Variants in PDZRN4 observed in about 807,000 individuals in gnomAD.
The protein encoded by PDZRN4 is PDZ domain containing ring finger 4.
PDZRN4 carries 70 observed loss-of-function variants against 99.0 expected under a neutral mutation model. The ratio of observed to expected loss-of-function variants is 0.71; its 90% CI spans 0.58 to 0.86. The LOEUF (loss-of-function observed/expected upper bound fraction) is 0.86. PDZRN4 is among the 40% of genes least tolerant of loss of function. PDZRN4 has a pLI of 0.00. For synonymous variants in PDZRN4, 551 were observed against 501.6 expected, an observed-to-expected ratio of 1.10 and a Z score of -1.32; for missense variants, 1,474 against 1,331.2, an observed-to-expected ratio of 1.11 and a Z score of -1.67.
At chr12:41,260,599 A>G (rs1242662400) in intron 3 of PDZRN4, among the ~76,000 whole-genome samples, 1 of 152,146 alleles carries the variant, frequency 6.6e-6, no homozygotes, top group East Asian at 1.9e-4. Context: ...TCTTAATATT[A>G]AAAATATTAT....
chr12:41,218,197 C>T (rs1950933546), intron 3 of PDZRN4, among the ~76,000 whole-genome samples: 1 of 152,078 alleles, frequency 6.6e-6, no homozygotes, highest in African/African-American at 2.4e-5. Context: ...GCCTCTTTTC[C>T]TTTTGTCTGT....
At chr12:41,336,402 G>A (rs897661328) in intron 3 of PDZRN4, among the ~76,000 whole-genome samples, 5 of 152,116 alleles carry the variant, frequency 3.3e-5, no homozygotes, top group Admixed American at 2.0e-4. Flanking sequence ...CCAACTCCAT[G>A]TAAGCACCAG....
chr12:41,397,955 T>C (rs1241327288), intron 3 of PDZRN4, among the ~76,000 whole-genome samples: 1 of 151,874 alleles, frequency 6.6e-6, no homozygotes, highest in East Asian at 1.9e-4. Flanking sequence ...GGCATTAGAG[T>C]CACAAGAACT....
intron 3 of PDZRN4, among the ~76,000 whole-genome samples, chr12:41,359,835 C>A (rs1282865110): frequency 6.6e-6 from 1 of 151,932 alleles, no homozygotes; most frequent in Non-Finnish European, 1.5e-5. Flanking sequence ...AAGCAAGGTA[C>A]CTTATCTATT....
At chr12:41,244,290 T>C (rs1951119018) in intron 3 of PDZRN4, among the ~76,000 whole-genome samples, 1 of 152,166 alleles carries the variant, frequency 6.6e-6, no homozygotes, top group Non-Finnish European at 1.5e-5. Context: ...TGTGTCGCTC[T>C]CCTAGAATAT....
At chr12:41,277,336 A>C (rs1951355514) in intron 3 of PDZRN4, among the ~76,000 whole-genome samples, 1 of 152,164 alleles carries the variant, frequency 6.6e-6, no homozygotes, top group Non-Finnish European at 1.5e-5. Flanking sequence ...AACGATATAA[A>C]ATCCTGCTGC....
intron 5 of PDZRN4, among the ~76,000 whole-genome samples, chr12:41,517,265 A>G (rs1938417415): frequency 6.6e-6 from 1 of 152,096 alleles, no homozygotes; most frequent in Non-Finnish European, 1.5e-5. Flanking sequence ...AGGGATCTAG[A>G]TATAAAATAA....
chr12:41,368,756 G>A (rs911837438), intron 3 of PDZRN4, among the ~76,000 whole-genome samples: 10 of 151,970 alleles, frequency 6.6e-5, no homozygotes, highest in African/African-American at 1.5e-4. Context: ...GATCTGTATC[G>A]CTTCCATTAA....
intron 3 of PDZRN4, among the ~76,000 whole-genome samples, chr12:41,249,827 G>A (rs1951156356): frequency 6.6e-6 from 1 of 152,164 alleles, no homozygotes; most frequent in South Asian, 2.1e-4. Context: ...GAAGCAGAGT[G>A]CATTCGCATT....
intron 3 of PDZRN4, among the ~76,000 whole-genome samples, chr12:41,459,486 C>T (rs770287884): frequency 2.0e-4 from 31 of 152,136 alleles, no homozygotes; most frequent in Non-Finnish European, 3.2e-4. Context: ...AAATCTGGGC[C>T]GTATTTAAGC....
At chr12:41,554,810 C>T (rs908602943) in intron 6 of PDZRN4, among the ~76,000 whole-genome samples, 7 of 151,038 alleles carry the variant, frequency 4.6e-5, no homozygotes, top group Non-Finnish European at 7.4e-5. Context: ...ATCAGATGTG[C>T]GTGTGTGTGT....
At position 41,188,376 on chromosome 12, in the gene PDZRN4, C is replaced by T. The variant is rs1229244533; in HGVS notation, c.-80C>T. The T allele has an allele frequency of 1.5e-6, 2 of 1,352,182 alleles. No homozygotes were observed. The highest frequency in any genetic ancestry group is 2.7e-5 in the East Asian group (1 of 37,312). 83.8% of individuals were successfully genotyped at this position (1,352,182 alleles called of 1,614,324 possible). On this transcript the variant is annotated 5_prime_UTR_variant, in exon 1 of 10. Coordinates refer to ENST00000402685, the MANE Select transcript of PDZRN4 (RefSeq NM_001164595.2). ...TGCCGCCGCCGCGAGACGGCTGCCC[C>T]GGGGGTGGCCCGGGGAAGGCAGGGG... is the stretch of plus-strand genomic sequence containing the variant.
intron 3 of PDZRN4, among the ~76,000 whole-genome samples, chr12:41,327,628 C>T (rs1880887): frequency 0.91 from 138,033 of 152,212 alleles, 63,236 homozygotes; most frequent in Middle Eastern, 0.98. Flanking sequence ...GTGCAGAAGG[C>T]CAGGGGCTTA....
At chr12:41,498,213 A>G (rs1009142720) in intron 3 of PDZRN4, among the ~76,000 whole-genome samples, 4 of 152,050 alleles carry the variant, frequency 2.6e-5, no homozygotes, top group Non-Finnish European at 5.9e-5. Flanking sequence ...GCCTCCTGAT[A>G]AGATAGGCTG....
intron 5 of PDZRN4, among the ~76,000 whole-genome samples, chr12:41,532,929 AT>A (rs747489627): frequency 6.6e-6 from 1 of 152,038 alleles, no homozygotes; most frequent in Non-Finnish European, 1.5e-5. Context: ...AAATATATAT[AT>A]TTTTTGCATT....
chr12:41,506,401 T>A (rs541501044), intron 3 of PDZRN4, 55 bp from the exon 4 acceptor site: 987 of 1,507,314 alleles, frequency 6.5e-4, no homozygotes, highest in Non-Finnish European at 8.5e-4. Context: ...TAATCTATCA[T>A]GACAGCCTCT....
At chr12:41,206,715 T>C (rs565895572) in intron 3 of PDZRN4, among the ~76,000 whole-genome samples, 39 of 151,958 alleles carry the variant, frequency 2.6e-4, no homozygotes, top group Admixed American at 1.4e-3. Flanking sequence ...CTGATATATA[T>C]GAGGTGTGCA....
chr12:41,481,167 C>T (rs1937667376), intron 3 of PDZRN4, among the ~76,000 whole-genome samples: 2 of 152,004 alleles, frequency 1.3e-5, no homozygotes, highest in Non-Finnish European at 2.9e-5. Context: ...TGAGCCATGT[C>T]ATGATCTATC....
intron 5 of PDZRN4, among the ~76,000 whole-genome samples, chr12:41,543,643 TTTGGC>T (rs1283324259): frequency 6.6e-6 from 1 of 152,196 alleles, no homozygotes; most frequent in South Asian, 2.1e-4. Context: ...TTTCTCCATC[TTTGGC>T]TTTTATTCGC....
Sources: gnomAD v4.1 joint callset for allele counts (sites outside exome capture counted in the v4.1 genomes callset) on GRCh38, gnomAD v4.1.1 for gene constraint, MANE v1.5 for transcripts, NCBI Gene and HGNC (gene_info 2026-07-23, HGNC 2026-07-21) for gene names.